LRP1B: variants seen among roughly 807,000 people sequenced by gnomAD.
LRP1B encodes low-density lipoprotein receptor-related protein 1B.
LRP1B carries 217 observed loss-of-function variants against 556.6 expected under a neutral mutation model. That is an observed-to-expected ratio of 0.39 (90% CI 0.35 to 0.44). The LOEUF is 0.44. Ranked by LOEUF, LRP1B falls within the 20% of genes least tolerant of loss-of-function variation. The probability of loss-of-function intolerance (pLI) is 1.00; values close to 1 mark genes in which losing one functional copy is unlikely to be tolerated. For synonymous variants in LRP1B, 2,047 were observed against 1,865.8 expected, an observed-to-expected ratio of 1.10 and a Z score of -2.50; for missense variants, 5,053 against 5,620.8, an observed-to-expected ratio of 0.90 and a Z score of 3.23.
chr2:141,074,597 A>C (rs538136251), intron 7 of LRP1B, among the ~76,000 whole-genome samples: 67 of 126,274 alleles, frequency 5.3e-4, no homozygotes, highest in Admixed American at 2.1e-3. Flanking sequence ...CTCTATATAT[A>C]TATATATATG....
chr2:141,728,943 G>A (rs910513691), intron 2 of LRP1B, among the ~76,000 whole-genome samples: 1 of 152,114 alleles, frequency 6.6e-6, no homozygotes, highest in Admixed American at 6.6e-5. Flanking sequence ...TAGGTGGAGA[G>A]GGGGGTGCCA....
chr2:140,971,955 G>T (rs977669569), intron 18 of LRP1B, among the ~76,000 whole-genome samples: 15 of 152,184 alleles, frequency 9.9e-5, no homozygotes, highest in African/African-American at 3.6e-4. Flanking sequence ...ATCTTTATCA[G>T]CAACAAGCAC....
chr2:141,142,562 G>A (rs1363944074), intron 7 of LRP1B, among the ~76,000 whole-genome samples: 1 of 152,140 alleles, frequency 6.6e-6, no homozygotes, highest in Non-Finnish European at 1.5e-5. Context: ...AACAGAACAT[G>A]ATTGAAAGCA....
chr2:141,409,699 C>T (rs11693097), intron 3 of LRP1B, among the ~76,000 whole-genome samples: 80,620 of 151,740 alleles, frequency 0.53, 23,070 homozygotes, highest in Non-Finnish European at 0.65. Flanking sequence ...ACAATGCAAA[C>T]AAATAAATGA....
chr2:141,988,663 C>T (rs1702264466), intron 1 of LRP1B, among the ~76,000 whole-genome samples: 1 of 151,972 alleles, frequency 6.6e-6, no homozygotes, highest in East Asian at 1.9e-4. Flanking sequence ...CCCAAGAAAA[C>T]ACTCATCTTC....
intron 2 of LRP1B, among the ~76,000 whole-genome samples, chr2:141,742,814 T>C (rs1693760465): frequency 6.6e-6 from 1 of 152,190 alleles, no homozygotes; most frequent in South Asian, 2.1e-4. Flanking sequence ...TAGTTTTCAT[T>C]GTACAAGCTT....
intron 25 of LRP1B, among the ~76,000 whole-genome samples, chr2:140,883,212 C>G (rs538774491): frequency 1.3e-5 from 2 of 152,074 alleles, no homozygotes; most frequent in Non-Finnish European, 2.9e-5. Context: ...TCCTTCACAA[C>G]GGAACACAAA....
At position 141,957,385 on chromosome 2, in the gene LRP1B, G is replaced by GT. The variant is rs1574530034; in HGVS notation, c.83-146985_83-146984insA. Among the ~76,000 whole-genome samples the GT allele has an allele frequency of 1.6e-3, 109 of 68,926 alleles. 2 individuals are homozygous for GT. The highest frequency in any genetic ancestry group is 8.6e-3 in the Admixed American group (47 of 5,438). 45.2% of individuals were successfully genotyped at this position (68,926 alleles called of 152,430 possible). On this transcript the variant is annotated intron_variant, in intron 1 of 90. Transcript: ENST00000389484. ...TGGATGGTTCGTGTTTGTGTGTGTG[G>GT]GGGGGGGGGGGCGGGGGGGTGTACA... is the stretch of plus-strand genomic sequence containing the variant.
chr2:141,147,269 T>C (rs72976049), intron 7 of LRP1B, among the ~76,000 whole-genome samples: 5,885 of 152,218 alleles, frequency 0.039, 355 homozygotes, highest in African/African-American at 0.13. Flanking sequence ...CATCCTTTAC[T>C]GGCTCCTCTA....
intron 86 of LRP1B, among the ~76,000 whole-genome samples, chr2:140,250,348 T>C (rs1558925653): frequency 6.6e-6 from 1 of 151,798 alleles, no homozygotes. Flanking sequence ...CAGGAACAGA[T>C]GGATGGATAG....
chr2:140,612,307 T>G (rs914460607), intron 41 of LRP1B, among the ~76,000 whole-genome samples: 1 of 152,114 alleles, frequency 6.6e-6, no homozygotes, highest in Admixed American at 6.6e-5. Context: ...CTAACCAAAT[T>G]TTCTTACTCT....
chr2:140,323,089 C>T (rs535116043), intron 81 of LRP1B, among the ~76,000 whole-genome samples: 2 of 152,012 alleles, frequency 1.3e-5, no homozygotes, highest in South Asian at 4.2e-4. Context: ...GTTATCTTTC[C>T]AGATAAATGC....
intron 1 of LRP1B, among the ~76,000 whole-genome samples, chr2:141,896,739 A>C (rs1285000605): frequency 6.6e-6 from 1 of 152,220 alleles, no homozygotes; most frequent in Non-Finnish European, 1.5e-5. Context: ...AAAAATTATC[A>C]TAGTGAATTT....
At chr2:141,659,231 C>T (rs181863551) in intron 2 of LRP1B, among the ~76,000 whole-genome samples, 3 of 152,168 alleles carry the variant, frequency 2.0e-5, no homozygotes, top group African/African-American at 7.2e-5. Flanking sequence ...GAGCAGGCAT[C>T]GGCAAAATTT....
chr2:140,716,543 G>T, intron 36 of LRP1B, 139 bp downstream of exon 36: 2 of 798,886 alleles, frequency 2.5e-6, no homozygotes, highest in Non-Finnish European at 3.7e-6. Flanking sequence ...GAAGCCAAAA[G>T]CAAAAGAGAC....
At chr2:140,429,629 CA>C (rs1301355629) in intron 66 of LRP1B, among the ~76,000 whole-genome samples, 1 of 152,250 alleles carries the variant, frequency 6.6e-6, no homozygotes, top group Admixed American at 6.5e-5. Flanking sequence ...ACTAATCTCC[CA>C]AACCTCAATC....
intron 80 of LRP1B, among the ~76,000 whole-genome samples, chr2:140,324,479 G>T (rs1052064174): frequency 6.6e-6 from 1 of 151,872 alleles, no homozygotes; most frequent in African/African-American, 2.4e-5. Flanking sequence ...CCAAATGACT[G>T]GTTTATTAAG....
At chr2:140,681,242 A>G (rs762216837) in intron 41 of LRP1B, among the ~76,000 whole-genome samples, 25 of 152,208 alleles carry the variant, frequency 1.6e-4, no homozygotes, top group Non-Finnish European at 2.6e-4. Flanking sequence ...TATTCCCATA[A>G]CACTTAGCAT....
chr2:140,626,645 G>T (rs1683670517), intron 41 of LRP1B, among the ~76,000 whole-genome samples: 1 of 145,594 alleles, frequency 6.9e-6, no homozygotes, highest in African/African-American at 2.5e-5. Flanking sequence ...GGAAAGCCCA[G>T]AATTCATTTA....
Sources: gnomAD v4.1 joint callset for allele counts (sites outside exome capture counted in the v4.1 genomes callset) on GRCh38, gnomAD v4.1.1 for gene constraint, MANE v1.5 for transcripts, NCBI Gene and HGNC (gene_info 2026-07-23, HGNC 2026-07-21) for gene names.